The following TMEM120B variants were observed in gnomAD, a reference collection of about 807,000 sequenced individuals.
TMEM120B encodes the protein transmembrane protein 120B.
A neutral mutation model predicts 55.5 loss-of-function variants in TMEM120B; 31 were observed. The ratio of observed to expected loss-of-function variants is 0.56; its 90% CI spans 0.42 to 0.75. The LOEUF (loss-of-function observed/expected upper bound fraction) is 0.75. Among genes scored for constraint, TMEM120B ranks in the 30% least tolerant of loss-of-function variants. The pLI is 0.00. For synonymous variants in TMEM120B, 203 were observed against 176.3 expected (o/e 1.15, Z -1.20); for missense variants, 399 against 425.5 (o/e 0.94, Z 0.55).
At chr12:121,724,510 G>A (rs367853956) in intron 1 of TMEM120B, among the ~76,000 whole-genome samples, 3 of 151,528 alleles carry the variant, frequency 2.0e-5, no homozygotes, top group East Asian at 3.9e-4. Context: ...TGAGAAGATG[G>A]ATGTTAATTA....
Position 121,779,533 on chromosome 12 carries a change from G to T in TMEM120B, c.*3811G>T, listed in dbSNP as rs199516995. On this transcript the variant is annotated 3_prime_UTR_variant, in exon 12 of 12. Transcript: ENST00000449592. The stretch of plus-strand genomic sequence containing the variant: ...AGGCAGAGCCGGCGCTTCTTCTGCC[G>T]TTGCGCCTTCTTCAGAGCGCTGAGA... The T allele has an allele frequency of 6.2e-7, 1 of 1,612,878 alleles. No individual in the cohort carries two copies. The highest frequency in any genetic ancestry group is 1.1e-5 in the South Asian group (1 of 91,090).
intron 5 of TMEM120B, chr12:121,758,872 C>CA (rs1873574153): frequency 1.0e-6 from 1 of 979,138 alleles, no homozygotes; most frequent in African/African-American, 1.8e-5. Context: ...CGGCCCAGCC[C>CA]CGTGCTGTGG....
At chr12:121,754,345 C>T (rs1048438858) in intron 5 of TMEM120B, among the ~76,000 whole-genome samples, 1 of 152,252 alleles carries the variant, frequency 6.6e-6, no homozygotes, top group Non-Finnish European at 1.5e-5. Context: ...TGTCCTGAGG[C>T]CCAAGGTTCC....
At chr12:121,715,578 T>G (rs1428727474) in intron 1 of TMEM120B, among the ~76,000 whole-genome samples, 1 of 152,108 alleles carries the variant, frequency 6.6e-6, no homozygotes. Context: ...TGGAAACTGA[T>G]GCCTCCTGCT....
At position 121,775,141 on chromosome 12, in the gene TMEM120B, TG is replaced by T. The variant is rs763257135; in HGVS notation, c.906+16del. On this transcript the variant is annotated intron_variant, in intron 11 of 11. Coordinates refer to ENST00000449592, the MANE Select transcript of TMEM120B (RefSeq NM_001080825.2). This position sits in a 1 kb window ranked among gnomAD's most constrained non-coding sequence, Gnocchi z 4.3. ...TGCAGAGAATGGCAGGTATGGGGGGTGGGGGCATGCTCGGGGGAGGTTCCCG... is the reference window on the plus strand; with the variant it reads ...TGCAGAGAATGGCAGGTATGGGGGGTGGGGCATGCTCGGGGGAGGTTCCCG... 1 of 371,816 alleles carries T rather than the reference TG, an allele frequency of 2.7e-6. No homozygotes were observed. Among genetic ancestry groups the T allele is most frequent in the Admixed American group, 5.5e-5 (1 of 18,346 alleles). The allele number at this position is 371,816 out of a possible 1,614,324, so 23.0% of individuals were successfully genotyped here.
At chr12:121,713,484 A>G (rs923620913) in intron 1 of TMEM120B, among the ~76,000 whole-genome samples, 1 of 152,072 alleles carries the variant, frequency 6.6e-6, no homozygotes, top group Non-Finnish European at 1.5e-5. Flanking sequence ...AGGGACCCCT[A>G]TTTCCTGTCT....
intron 1 of TMEM120B, among the ~76,000 whole-genome samples, chr12:121,731,604 G>A (rs1895004637): frequency 6.6e-6 from 1 of 152,280 alleles, no homozygotes; most frequent in African/African-American, 2.4e-5. Flanking sequence ...TTGTAGCCCA[G>A]GAGCAATAGT....
intron 1 of TMEM120B, among the ~76,000 whole-genome samples, chr12:121,731,773 G>A (rs1363965978): frequency 6.6e-6 from 1 of 152,188 alleles, no homozygotes; most frequent in Non-Finnish European, 1.5e-5. Flanking sequence ...AAATGATTAA[G>A]AGGATAAATA....
intron 2 of TMEM120B, among the ~76,000 whole-genome samples, chr12:121,745,531 A>T (rs1412326842): frequency 6.6e-6 from 1 of 151,524 alleles, no homozygotes; most frequent in Non-Finnish European, 1.5e-5. Context: ...AGCTGGGATT[A>T]CAGGTGCCCG....
At chr12:121,758,954 T>A in intron 5 of TMEM120B, 5 of 985,332 alleles carry the variant, frequency 5.1e-6, no homozygotes, top group Non-Finnish European at 6.0e-6. Flanking sequence ...CCCCGCGCTG[T>A]GGTCACCATG....
chr12:121,760,003 C>T (rs1429931163), intron 5 of TMEM120B, among the ~76,000 whole-genome samples: 10 of 151,776 alleles, frequency 6.6e-5, no homozygotes, highest in Middle Eastern at 3.4e-3. Context: ...TCATGGTGTG[C>T]ACCCATAGTC....
chr12:121,719,339 C>G (rs1415774168), intron 1 of TMEM120B, among the ~76,000 whole-genome samples: 3 of 152,092 alleles, frequency 2.0e-5, no homozygotes, highest in African/African-American at 7.2e-5. Flanking sequence ...CCTGTAATCC[C>G]AACAGGAGGC....
chr12:121,713,040 C>T, intron 1 of TMEM120B, 76 bp downstream of exon 1: 1 of 1,304,374 alleles, frequency 7.7e-7, no homozygotes, highest in Non-Finnish European at 1.0e-6. Flanking sequence ...CCCCCCGGCC[C>T]GGGCGGTGGG....
At chr12:121,742,766 C>T (rs1480387283) in intron 1 of TMEM120B, among the ~76,000 whole-genome samples, 3 of 151,902 alleles carry the variant, frequency 2.0e-5, no homozygotes, top group South Asian at 4.2e-4. Context: ...TTAGTAGAGA[C>T]GGGGTTTTGC....
intron 9 of TMEM120B, among the ~76,000 whole-genome samples, chr12:121,773,951 CTTTTTTTTTTTT>C (rs560321014): frequency 2.1e-5 from 2 of 96,610 alleles, no homozygotes; most frequent in Non-Finnish European, 3.9e-5. Context: ...ACTCTGCTAT[CTTTTTTTTTTTT>C]TTTTTTTTTT....
chr12:121,733,901 A>G (rs553027635), intron 1 of TMEM120B, among the ~76,000 whole-genome samples: 1 of 152,242 alleles, frequency 6.6e-6, no homozygotes, highest in Non-Finnish European at 1.5e-5. Context: ...CAAGTTATGG[A>G]ATCTAATGTA....
In TMEM120B at chr12:121,748,408, T is replaced by G; in HGVS notation, c.271T>G (p.Phe91Val). ...CATCAAGGAGCGGCAGGACGTCTTCTTCGACATGGAGGCCTACCTGCCCAA... is the reference window on the plus strand; with the variant it reads ...CATCAAGGAGCGGCAGGACGTCTTCGTCGACATGGAGGCCTACCTGCCCAA... ...ANIKERQDVF[F>V]DMEAYLPKKN... The change falls in exon 3 of 12, where the codon TTC (phenylalanine) becomes GTC (valine). Residue 91 changes from phenylalanine (F) to valine (V), a missense_variant. Phe to Val is a conservative substitution (Grantham distance 50). Coordinates refer to ENST00000449592, the MANE Select transcript of TMEM120B (RefSeq NM_001080825.2). 1 of 1,610,830 alleles carries G rather than the reference T, an allele frequency of 6.2e-7. No homozygotes were observed. Among genetic ancestry groups the G allele is most frequent in the African/African-American group, 1.3e-5 (1 of 74,892 alleles).
At chr12:121,754,217 G>C (rs1468597227) in intron 5 of TMEM120B, among the ~76,000 whole-genome samples, 1 of 152,214 alleles carries the variant, frequency 6.6e-6, no homozygotes, top group Non-Finnish European at 1.5e-5. Context: ...GAGGGCAAAG[G>C]CTGCACACAT....
At chr12:121,744,611 C>T (rs919842741) in intron 2 of TMEM120B, among the ~76,000 whole-genome samples, 7 of 152,162 alleles carry the variant, frequency 4.6e-5, no homozygotes, top group Non-Finnish European at 8.8e-5. Flanking sequence ...GTGTTCATTT[C>T]CTGACACTCA....
Sources: gnomAD v4.1 joint callset for allele counts (sites outside exome capture counted in the v4.1 genomes callset) on GRCh38, gnomAD v4.1.1 for gene constraint, Gnocchi (gnomAD v3.1) non-coding constraint, MANE v1.5 for transcripts, NCBI Gene and HGNC (gene_info 2026-07-23, HGNC 2026-07-21) for gene names.